HECTD4: variants seen among roughly 807,000 people sequenced by gnomAD.
HECTD4 encodes the protein probable E3 ubiquitin-protein ligase HECTD4.
In HECTD4, 114 loss-of-function variants were observed where a neutral mutation model predicts 471.5. The ratio of observed to expected loss-of-function variants is 0.24; its 90% confidence interval spans 0.21 to 0.28. The LOEUF is 0.28. HECTD4 is among the 10% of genes least tolerant of loss of function. The pLI, the probability that HECTD4 is intolerant of heterozygous loss-of-function variation, is 1.00. For synonymous variants in HECTD4, 2,012 were observed against 2,256.0 expected, an observed-to-expected ratio of 0.89 and a Z score of 3.07; for missense variants, 3,866 against 5,651.5, an observed-to-expected ratio of 0.68 and a Z score of 10.13.
rs186770263 is a variant in HECTD4 at position 112,163,802 on chromosome 12, C to T, written c.12702-65G>A. On this transcript the variant is annotated intron_variant, in intron 73 of 75. Transcript: ENST00000682272. This position sits in a 1 kb window ranked among gnomAD's most constrained non-coding sequence, Gnocchi z 8.2. ...GAAGAGGCTGGGTCTGGGGGCCACA[C>T]CCACTCAGCTGGAGGTCCCGGATCC... 2 of 1,335,350 alleles carry T rather than the reference C, an allele frequency of 1.5e-6. No homozygotes were observed. Among genetic ancestry groups the T allele is most frequent in the African/African-American group, 3.0e-5 (2 of 66,636 alleles). The allele number at this position is 1,335,350 out of a possible 1,614,324, so 82.7% of individuals were successfully genotyped here. A position where few individuals can be genotyped will look rare whatever the true frequency, so the allele number is the denominator to read the frequency against.
intron 44 of HECTD4, among the ~76,000 whole-genome samples, chr12:112,225,165 G>A (rs899591597): frequency 6.6e-6 from 1 of 152,042 alleles, no homozygotes; most frequent in East Asian, 1.9e-4. Context: ...AGAAAGAGAT[G>A]TGAGAAGTAA....
At chr12:112,230,003 G>A in intron 40 of HECTD4, 123 bp from the exon 41 acceptor site, 2 of 862,916 alleles carry the variant, frequency 2.3e-6, no homozygotes, top group Non-Finnish European at 3.4e-6. Flanking sequence ...GACATGTGAG[G>A]GACCAAAAAA....
chr12:112,268,685 G>C (rs547999553), intron 13 of HECTD4, among the ~76,000 whole-genome samples: 11 of 151,678 alleles, frequency 7.3e-5, no homozygotes, highest in African/African-American at 2.7e-4. Flanking sequence ...GAAGCCAGGA[G>C]GCGGAGATTG....
chr12:112,290,897 T>C (rs1471034631), intron 7 of HECTD4, among the ~76,000 whole-genome samples: 1 of 149,080 alleles, frequency 6.7e-6, no homozygotes. Flanking sequence ...TAGTTTTGGA[T>C]GCTGCATGAT....
At chr12:112,273,928 A>G in intron 10 of HECTD4, 133 bp from the exon 11 acceptor site, 1 of 980,152 alleles carries the variant, frequency 1.0e-6, no homozygotes, top group African/African-American at 1.6e-5. Context: ...CTAGTCCCAC[A>G]GATTTATTTG....
chr12:112,323,972 TCC>T (rs1373892000), intron 1 of HECTD4, among the ~76,000 whole-genome samples: 1,485 of 21,044 alleles, frequency 0.071, 227 homozygotes, highest in East Asian at 0.25. Flanking sequence ...CTTTCTTCCT[TCC>T]TTCCTTCCTT....
chr12:112,244,067 G>C (rs768308259), intron 29 of HECTD4, 58 bp from the exon 30 acceptor site: 161 of 1,568,350 alleles, frequency 1.0e-4, no homozygotes, highest in Non-Finnish European at 1.4e-4. Flanking sequence ...ACAGCCAAAT[G>C]CAACACAGAA....
intron 14 of HECTD4, among the ~76,000 whole-genome samples, 161 bp downstream of exon 14, chr12:112,266,751 G>A (rs1008250963): frequency 4.6e-5 from 7 of 152,164 alleles, no homozygotes; most frequent in Non-Finnish European, 1.0e-4. Flanking sequence ...CAAAGTGCTG[G>A]GATTACAGGT....
intron 52 of HECTD4, 149 bp from the exon 53 acceptor site, chr12:112,204,772 G>GT (rs2032524946): frequency 1.6e-6 from 1 of 644,290 alleles, no homozygotes; most frequent in Non-Finnish European, 2.7e-6. Context: ...AAATTGTGCA[G>GT]TATCTACCAT....
At position 112,228,515 on chromosome 12, in the gene HECTD4, C is replaced by T; in HGVS notation, c.6684+132G>A. On this transcript the variant is annotated intron_variant, in intron 42 of 75. Coordinates refer to ENST00000682272, the MANE Select transcript of HECTD4 (RefSeq NM_001388303.1). This position sits in a 1 kb window ranked among gnomAD's most constrained non-coding sequence, Gnocchi z 4.9. Reference sequence around the variant, plus strand: ...TACTATTAAATAACTATAACCAATACATAAATATACATCACAAGTACAATT... The same window carrying T: ...TACTATTAAATAACTATAACCAATATATAAATATACATCACAAGTACAATT... The T allele has an allele frequency of 3.3e-6, 3 of 919,450 alleles. No homozygotes were observed. Among genetic ancestry groups the T allele is most frequent in the African/African-American group, 1.7e-5 (1 of 59,074 alleles). 57.0% of individuals were successfully genotyped at this position (919,450 alleles called of 1,614,324 possible).
chr12:112,279,913 A>G (rs1444315168), intron 8 of HECTD4, among the ~76,000 whole-genome samples: 1 of 152,120 alleles, frequency 6.6e-6, no homozygotes, highest in Non-Finnish European at 1.5e-5. Context: ...CTTTGTTTTC[A>G]TTTATTTTTA....
intron 60 of HECTD4, among the ~76,000 whole-genome samples, chr12:112,186,368 T>C (rs1323641247): frequency 2.7e-5 from 4 of 148,266 alleles, no homozygotes; most frequent in Non-Finnish European, 4.5e-5. Context: ...GAGTGAGTCT[T>C]ACTCTGGTAC....
chr12:112,241,273 T>C (rs1025089977), intron 32 of HECTD4, among the ~76,000 whole-genome samples: 14 of 152,184 alleles, frequency 9.2e-5, no homozygotes, highest in African/African-American at 3.1e-4. Context: ...AAATAGGCTG[T>C]GGTAATCATT....
In HECTD4 at chr12:112,247,519, G is replaced by T; in HGVS notation, c.4280C>A (p.Ser1427Ter). The T allele has an allele frequency of 2.0e-6, 3 of 1,532,630 alleles. No individual in the cohort carries two copies. The highest frequency in any genetic ancestry group is 2.1e-5 in the Admixed American group (1 of 48,354). 94.9% of individuals were successfully genotyped at this position (1,532,630 alleles called of 1,614,324 possible). A position where few individuals can be genotyped will look rare whatever the true frequency, so the allele number is the denominator to read the frequency against. ...CCCATCAAAGGAGACTTCCTTCATT[G>T]AACATAAAAGTTCTAGTTCTTTCAT... ...NKMKELELLC[S>*]MKEVSFDGND... The change falls in exon 28 of 76, where the codon TCA becomes TAA. Residue 1427 changes from serine (S) to a stop codon, truncating the protein, a stop_gained. Coordinates refer to ENST00000682272, the MANE Select transcript of HECTD4 (RefSeq NM_001388303.1). LOFTEE classifies it high-confidence loss of function.
At chr12:112,254,492 C>A (rs1320977305) in intron 21 of HECTD4, among the ~76,000 whole-genome samples, 1 of 152,046 alleles carries the variant, frequency 6.6e-6, no homozygotes, top group Non-Finnish European at 1.5e-5. Context: ...TTTGAAATAG[C>A]TATTTTAATG....
At chr12:112,268,880 T>G (rs912433150) in intron 13 of HECTD4, among the ~76,000 whole-genome samples, 9 of 130,976 alleles carry the variant, frequency 6.9e-5, no homozygotes, top group East Asian at 2.4e-4. Context: ...TTTTTTTTTT[T>G]TTTTTTTTTT....
chr12:112,314,540 T>C lies in HECTD4; in HGVS notation c.702A>G (p.Ser234=). Residue 234 remains serine (S), a synonymous_variant, in exon 3 of 76, where the codon TCA becomes TCG. Coordinates refer to ENST00000682272, the MANE Select transcript of HECTD4 (RefSeq NM_001388303.1). ...GGACTGTGTGGACGAAAGTTTTCAA[T>C]GATCCCCTAAAAATAAAAGGAAGGA... ...ALVALACARG[S]LKTFVHTVHL... The C allele has an allele frequency of 6.7e-7, 1 of 1,500,456 alleles. No homozygotes were observed. Among genetic ancestry groups the C allele is most frequent in the East Asian group, 2.5e-5 (1 of 40,754 alleles). 92.9% of individuals were successfully genotyped at this position (1,500,456 alleles called of 1,614,324 possible).
At chr12:112,209,339 T>G (rs1047456894) in intron 50 of HECTD4, among the ~76,000 whole-genome samples, 3 of 152,020 alleles carry the variant, frequency 2.0e-5, no homozygotes, top group African/African-American at 4.8e-5. Flanking sequence ...TTTTTTTTTT[T>G]TTTTGAGATG....
chr12:112,172,999 G>C, intron 66 of HECTD4, 138 bp from the exon 67 acceptor site: 1 of 734,856 alleles, frequency 1.4e-6, no homozygotes, highest in Non-Finnish European at 2.3e-6. Context: ...GTTGTTTCTT[G>C]GTGCCTGGAC....
Sources: gnomAD v4.1 joint callset for allele counts (sites outside exome capture counted in the v4.1 genomes callset) on GRCh38, gnomAD v4.1.1 for gene constraint, Gnocchi (gnomAD v3.1) non-coding constraint, MANE v1.5 for transcripts, NCBI Gene and HGNC (gene_info 2026-07-23, HGNC 2026-07-21) for gene names.